The following BCL2 variants were observed in gnomAD, a reference collection of about 807,000 sequenced individuals.
BCL2 encodes BCL2 apoptosis regulator, also known as apoptosis regulator Bcl-2.
BCL2 carries 1 observed loss-of-function variant against 14.2 expected under a neutral mutation model. The observed-to-expected ratio is 0.07, with a 90% CI of 0.02 to 0.33. The LOEUF is 0.33. Among genes scored for constraint, BCL2 ranks in the 10% least tolerant of loss-of-function variants. The pLI is 0.99. For synonymous variants in BCL2, 151 were observed against 137.2 expected (o/e 1.10, Z -0.70); for missense variants, 247 against 305.9 (o/e 0.81, Z 1.44).
chr18:63,210,753 T>C (rs958833210), intron 2 of BCL2, among the ~76,000 whole-genome samples: 1 of 152,066 alleles, frequency 6.6e-6, no homozygotes, highest in Non-Finnish European at 1.5e-5. Context: ...CATTCATAGG[T>C]TTTTTAAAGA....
chr18:63,250,127 C>G (rs544887424), intron 2 of BCL2, among the ~76,000 whole-genome samples: 1 of 152,202 alleles, frequency 6.6e-6, no homozygotes, highest in African/African-American at 2.4e-5. Flanking sequence ...ATTATACTCT[C>G]TCTCGACAAG....
At position 63,318,071 on chromosome 18, in the gene BCL2, A is replaced by G. The variant is rs1913555599; in HGVS notation, c.585+11T>C. ...GCCTCAGCCCAGACTCACATCACCA[A>G]GTGCACCTACCCAGCCTCCGTTATC... On this transcript the variant is annotated intron_variant, in intron 2 of 2. Coordinates refer to ENST00000333681, the MANE Select transcript of BCL2 (RefSeq NM_000633.3). The surrounding 1 kb of genome is among the most constrained non-coding windows in gnomAD (Gnocchi z 7.4). The G allele has an allele frequency of 6.2e-7, 1 of 1,613,376 alleles. No homozygotes were observed. The highest frequency in any genetic ancestry group is 1.3e-5 in the African/African-American group (1 of 74,884).
chr18:63,256,549 C>A (rs527591140), intron 2 of BCL2, among the ~76,000 whole-genome samples: 1 of 152,130 alleles, frequency 6.6e-6, no homozygotes, highest in African/African-American at 2.4e-5. Flanking sequence ...ACAGTGAAAG[C>A]GTGACTTACT....
chr18:63,238,320 C>T (rs558331572), intron 2 of BCL2, among the ~76,000 whole-genome samples: 189 of 152,238 alleles, frequency 1.2e-3, no homozygotes, highest in African/African-American at 4.5e-3. Flanking sequence ...TTCATGCCAC[C>T]GAATGCTTTA....
chr18:63,156,617 C>T (rs932649951), intron 2 of BCL2, among the ~76,000 whole-genome samples: 2 of 152,176 alleles, frequency 1.3e-5, no homozygotes, highest in African/African-American at 4.8e-5. Flanking sequence ...CCCACCCTGG[C>T]GTCCACCTCC....
chr18:63,218,900 C>G (rs1910303324), intron 2 of BCL2, among the ~76,000 whole-genome samples: 1 of 151,488 alleles, frequency 6.6e-6, no homozygotes, highest in African/African-American at 2.4e-5. Flanking sequence ...AATTCTGAAT[C>G]TCATTTCTGG....
At chr18:63,238,469 A>G (rs1014453510) in intron 2 of BCL2, among the ~76,000 whole-genome samples, 2 of 152,222 alleles carry the variant, frequency 1.3e-5, no homozygotes, top group African/African-American at 4.8e-5. Context: ...GAAAAATCCC[A>G]TAGGCATGGG....
At chr18:63,218,642 C>T (rs796439254) in intron 2 of BCL2, among the ~76,000 whole-genome samples, 1 of 107,986 alleles carries the variant, frequency 9.3e-6, no homozygotes, top group Non-Finnish European at 2.0e-5. Flanking sequence ...TCCACTCATC[C>T]CATCCTCCAC....
chr18:63,315,457 A>C (rs547647369), intron 2 of BCL2: 1 of 152,332 alleles, frequency 6.6e-6, no homozygotes, highest in African/African-American at 2.4e-5. Flanking sequence ...ACAAAAGTCA[A>C]ACAGATTTCC....
At chr18:63,254,845 G>A (rs1568248444) in intron 2 of BCL2, among the ~76,000 whole-genome samples, 2 of 152,154 alleles carry the variant, frequency 1.3e-5, no homozygotes, top group South Asian at 2.1e-4. Context: ...GGAAGCTCAC[G>A]GGTAGTGCAC....
intron 2 of BCL2, among the ~76,000 whole-genome samples, chr18:63,140,476 C>T (rs758272429): frequency 7.9e-5 from 12 of 152,180 alleles, no homozygotes; most frequent in Non-Finnish European, 1.5e-4. Context: ...AAAAAAGGAG[C>T]GAAGCATTGA....
intron 2 of BCL2, among the ~76,000 whole-genome samples, chr18:63,152,152 A>T (rs968337360): frequency 6.6e-6 from 1 of 152,216 alleles, no homozygotes; most frequent in Non-Finnish European, 1.5e-5. Flanking sequence ...GCTTTGTATG[A>T]CTTCCAAGAG....
intron 2 of BCL2, among the ~76,000 whole-genome samples, chr18:63,282,027 T>C (rs1237170780): frequency 6.6e-6 from 1 of 152,264 alleles, no homozygotes; most frequent in African/African-American, 2.4e-5. Context: ...AAACTAATAT[T>C]AGTCCATAGT....
intron 2 of BCL2, among the ~76,000 whole-genome samples, chr18:63,227,905 T>C (rs1387077493): frequency 6.6e-6 from 1 of 152,252 alleles, no homozygotes; most frequent in Non-Finnish European, 1.5e-5. Flanking sequence ...TGGGCTGTCA[T>C]ACCAAAATGC....
At position 63,317,861 on chromosome 18, in the gene BCL2, T is replaced by C; in HGVS notation, c.585+221A>G. On this transcript the variant is annotated intron_variant, in intron 2 of 2. Coordinates refer to ENST00000333681, the MANE Select transcript of BCL2 (RefSeq NM_000633.3). ...CGCTAGATCTTTGGATCTCCACGAC[T>C]AGCAAGCAAGTTAAAGACTTTTAGA... 8 of 1,408,706 alleles carry C rather than the reference T, an allele frequency of 5.7e-6. No individual in the cohort carries two copies. The South Asian group carries it at 9.7e-5, about 17-fold the overall frequency. 87.3% of individuals were successfully genotyped at this position (1,408,706 alleles called of 1,614,324 possible). A position where few individuals can be genotyped will look rare whatever the true frequency, so the allele number is the denominator to read the frequency against.
intron 2 of BCL2, among the ~76,000 whole-genome samples, chr18:63,242,139 G>A (rs996088135): frequency 1.3e-5 from 2 of 150,908 alleles, no homozygotes; most frequent in African/African-American, 4.9e-5. Context: ...TGAAATTTGA[G>A]TCTTTCCATT....
intron 2 of BCL2, among the ~76,000 whole-genome samples, chr18:63,171,652 G>A (rs1391504792): frequency 6.6e-6 from 1 of 152,132 alleles, no homozygotes; most frequent in South Asian, 2.1e-4. Flanking sequence ...GTCCATATAT[G>A]GTAAATATGC....
chr18:63,172,673 C>T (rs56151814), intron 2 of BCL2, among the ~76,000 whole-genome samples: 26,929 of 151,894 alleles, frequency 0.18, 2,975 homozygotes, highest in East Asian at 0.42. Flanking sequence ...CCCAGCTACT[C>T]GGGAGGCTGA....
chr18:63,300,443 T>A (rs895589464), intron 2 of BCL2, among the ~76,000 whole-genome samples: 9 of 148,812 alleles, frequency 6.0e-5, no homozygotes, highest in African/African-American at 2.2e-4. Flanking sequence ...GAAAGAGATC[T>A]TGTGCTCCTT....
Sources: gnomAD v4.1 joint callset for allele counts (sites outside exome capture counted in the v4.1 genomes callset) on GRCh38, gnomAD v4.1.1 for gene constraint, Gnocchi (gnomAD v3.1) non-coding constraint, MANE v1.5 for transcripts, NCBI Gene and HGNC (gene_info 2026-07-23, HGNC 2026-07-21) for gene names.